ZNF362: variants seen among roughly 807,000 people sequenced by gnomAD.
The protein encoded by ZNF362 is rotund homolog.
ZNF362 carries 11 observed loss-of-function variants against 42.9 expected under a neutral mutation model. That is an observed-to-expected ratio of 0.26 (90% CI 0.16 to 0.42). The LOEUF (loss-of-function observed/expected upper bound fraction) is 0.42, where lower values mean the gene tolerates loss of function less well. ZNF362 is among the 20% of genes least tolerant of loss of function. The pLI, the probability that ZNF362 is intolerant of heterozygous loss-of-function variation, is 1.00. For missense variants in ZNF362, 362 were observed against 576.2 expected (o/e 0.63, Z 3.81); for synonymous variants, 255 against 257.3 (o/e 0.99, Z 0.09).
the ZNF362 span, among the ~76,000 whole-genome samples, chr1:33,228,299 G>A: frequency 6.6e-6 from 1 of 151,992 alleles, no homozygotes; most frequent in East Asian, 1.9e-4. Flanking sequence ...TCCTTCCCTT[G>A]CTATGCTCAC....
chr1:33,286,511 C>G lies in ZNF362; in HGVS notation c.908+4700C>G, dbSNP rs184820402. On this transcript the variant is annotated intron_variant, in intron 6 of 8. Coordinates refer to ENST00000539719, the MANE Select transcript of ZNF362 (RefSeq NM_152493.3). Reference sequence around the variant, plus strand: ...GGCACAATTTTTTTTTTCCCTCTCTCTCTCTCTTTTGGACTAATTTGAGTT... The same window carrying G: ...GGCACAATTTTTTTTTTCCCTCTCTGTCTCTCTTTTGGACTAATTTGAGTT... 1.3e-4 allele frequency among the ~76,000 whole-genome samples: 20 copies of G among 152,016 alleles called. No homozygotes were observed. In the East Asian group the frequency reaches 3.5e-3, roughly 26 times the overall value.
At chr1:33,252,571 G>T (rs1222251477), upstream of ZNF362, among the ~76,000 whole-genome samples, 4 of 152,172 alleles carry the variant, frequency 2.6e-5, no homozygotes, top group Non-Finnish European at 5.9e-5. Context: ...ATGTCACTGA[G>T]ATTTTGGAGT....
the ZNF362 span, among the ~76,000 whole-genome samples, chr1:33,138,169 C>G: frequency 2.0e-5 from 3 of 152,124 alleles, no homozygotes; most frequent in African/African-American, 7.2e-5. Flanking sequence ...CAAGAGCGTT[C>G]TGGGCATCTG....
the ZNF362 span, among the ~76,000 whole-genome samples, chr1:33,226,095 A>G: frequency 1.3e-5 from 2 of 152,192 alleles, no homozygotes; most frequent in Non-Finnish European, 2.9e-5. Context: ...ATACCTGACC[A>G]AAATCAGGGT....
chr1:33,149,840 C>T, the ZNF362 span, among the ~76,000 whole-genome samples: 1 of 152,158 alleles, frequency 6.6e-6, no homozygotes, highest in African/African-American at 2.4e-5. Flanking sequence ...TCCCCATTTG[C>T]ACCAAGAGGG....
At chr1:33,208,640 C>T in the ZNF362 span, among the ~76,000 whole-genome samples, 1 of 152,136 alleles carries the variant, frequency 6.6e-6, no homozygotes, top group Non-Finnish European at 1.5e-5. Flanking sequence ...TGAAGAGGTT[C>T]TTCACATCCA....
chr1:33,254,320 C>T (rs1477870162), upstream of ZNF362, among the ~76,000 whole-genome samples: 2 of 152,146 alleles, frequency 1.3e-5, no homozygotes, highest in Non-Finnish European at 2.9e-5. Flanking sequence ...GATGGGGTTT[C>T]ACCACGTTGG....
At chr1:33,239,322 G>A in the ZNF362 span, among the ~76,000 whole-genome samples, 2 of 152,040 alleles carry the variant, frequency 1.3e-5, no homozygotes, top group African/African-American at 4.8e-5. Context: ...TGTTCCCTCT[G>A]GGGTCCCCTA....
the ZNF362 span, among the ~76,000 whole-genome samples, chr1:33,231,928 C>G: frequency 6.6e-6 from 1 of 152,158 alleles, no homozygotes; most frequent in South Asian, 2.1e-4. Context: ...TAGGTGGGAA[C>G]TGAAATTACT....
the ZNF362 span, among the ~76,000 whole-genome samples, chr1:33,192,836 G>A: frequency 1.3e-5 from 2 of 151,870 alleles, no homozygotes; most frequent in Non-Finnish European, 2.9e-5. Context: ...CTGAATGAAG[G>A]GAACTGAGTG....
At chr1:33,130,047 T>C in the ZNF362 span, among the ~76,000 whole-genome samples, 1 of 152,052 alleles carries the variant, frequency 6.6e-6, no homozygotes, top group East Asian at 1.9e-4. Context: ...TTAGTAGAGA[T>C]GGGGTTTCAC....
chr1:33,218,872 A>T, the ZNF362 span, among the ~76,000 whole-genome samples: 4 of 150,586 alleles, frequency 2.7e-5, no homozygotes, highest in Non-Finnish European at 4.4e-5. Flanking sequence ...AGTGGAGGGC[A>T]GCAGTGGCAG....
chr1:33,267,617 T>G (rs373816828), intron 1 of ZNF362, among the ~76,000 whole-genome samples: 2 of 152,348 alleles, frequency 1.3e-5, no homozygotes, highest in East Asian at 3.9e-4. Context: ...TGCTTGACTT[T>G]AGGCAAATTT....
At chr1:33,177,953 G>A in the ZNF362 span, among the ~76,000 whole-genome samples, 1 of 152,136 alleles carries the variant, frequency 6.6e-6, no homozygotes, top group Admixed American at 6.5e-5. The surrounding 1 kb of genome is among the most constrained non-coding windows in gnomAD (Gnocchi z 4.1). Context: ...TCTTCCCAAA[G>A]TCACACAGTA....
chr1:33,241,727 G>T, the ZNF362 span, among the ~76,000 whole-genome samples: 1 of 152,118 alleles, frequency 6.6e-6, no homozygotes, highest in Non-Finnish European at 1.5e-5. Flanking sequence ...GAAGATGCCG[G>T]TCTTATGCTG....
the ZNF362 span, among the ~76,000 whole-genome samples, chr1:33,161,349 C>T: frequency 6.2e-4 from 94 of 152,214 alleles, no homozygotes; most frequent in Non-Finnish European, 1.0e-3. This position sits in a 1 kb window ranked among gnomAD's most constrained non-coding sequence, Gnocchi z 4.3. Flanking sequence ...TATAGAAGTG[C>T]GGCCAGGCTG....
At chr1:33,249,411 A>G in the ZNF362 span, among the ~76,000 whole-genome samples, 1 of 152,204 alleles carries the variant, frequency 6.6e-6, no homozygotes, top group East Asian at 1.9e-4. Context: ...TCAGCTTATC[A>G]TGTAGAGCAA....
chr1:33,257,865 C>T (rs891564326), intron 1 of ZNF362, among the ~76,000 whole-genome samples: 3 of 152,124 alleles, frequency 2.0e-5, no homozygotes, highest in African/African-American at 7.2e-5. Context: ...GCTGGAATCT[C>T]GCCCAAGCCC....
At chr1:33,259,476 T>C (rs1645815318) in intron 1 of ZNF362, among the ~76,000 whole-genome samples, 1 of 152,198 alleles carries the variant, frequency 6.6e-6, no homozygotes, top group East Asian at 1.9e-4. Flanking sequence ...CACTTTCCTG[T>C]CTTATCTCTC....
Sources: allele counts gnomAD v4.1 joint callset (sites outside exome capture counted in the v4.1 genomes callset), GRCh38; gene constraint gnomAD v4.1.1; non-coding constraint Gnocchi (gnomAD v3.1); transcripts MANE v1.5; gene names NCBI Gene and HGNC (gene_info 2026-07-23, HGNC 2026-07-21).